The following TMEM8B variants were observed in gnomAD, a reference collection of about 807,000 sequenced individuals.
TMEM8B encodes transmembrane protein 8B, also known as nasopharyngeal carcinoma expressed 6.
A neutral mutation model predicts 49.3 loss-of-function variants in TMEM8B; 29 were observed. The ratio of observed to expected loss-of-function variants is 0.59; its 90% CI spans 0.44 to 0.80. TMEM8B has a LOEUF of 0.80. Among genes scored for constraint, TMEM8B ranks in the 30% least tolerant of loss-of-function variants. The pLI is 0.00. For missense variants in TMEM8B, 575 were observed against 658.5 expected, an observed-to-expected ratio of 0.87 and a Z score of 1.39; for synonymous variants, 264 against 272.8, an observed-to-expected ratio of 0.97 and a Z score of 0.32.
At position 35,847,001 on chromosome 9, in the gene TMEM8B, C is replaced by A. The variant is rs755434871; in HGVS notation, c.2175+6C>A. The stretch of plus-strand genomic sequence containing the variant: ...TCACCATGTTCTTCTCCACGGTATG[C>A]GGTGGTGTCTGCATCTTATCACTGG... On this transcript the variant is annotated splice_donor_region_variant and intron_variant, in intron 10 of 12. Coordinates refer to ENST00000643932, the MANE Select transcript of TMEM8B (RefSeq NM_001042590.4). 6.2e-7 allele frequency: 1 copy of A among 1,614,054 alleles called. No homozygotes were observed. The highest frequency in any genetic ancestry group is 1.3e-5 in the African/African-American group (1 of 74,912).
chr9:35,850,169 C>T (rs76577204), intron 10 of TMEM8B, among the ~76,000 whole-genome samples: 2,518 of 152,256 alleles, frequency 0.017, 70 homozygotes, highest in African/African-American at 0.057. Flanking sequence ...ACTACGTTTG[C>T]GTTTATAGTC....
chr9:35,857,021 C>A lies in TMEM8B; in HGVS notation c.*3181C>A, dbSNP rs748851060. ...AGATCCCAAGATTCAAACAGCCCTT[C>A]CTTGCCTTGAATACAGGGCTGTGGC... is the stretch of plus-strand genomic sequence containing the variant. On this transcript the variant is annotated 3_prime_UTR_variant, in exon 13 of 13. Transcript: ENST00000643932. 3 of 152,264 alleles carry A rather than the reference C, an allele frequency of 2.0e-5. No individual in the cohort carries two copies. Among genetic ancestry groups the A allele is most frequent in the Non-Finnish European group, 2.9e-5 (2 of 68,072 alleles). 9.4% of individuals were successfully genotyped at this position (152,264 alleles called of 1,614,324 possible). A position where few individuals can be genotyped will look rare whatever the true frequency, so the allele number is the denominator to read the frequency against.
At position 35,841,239 on chromosome 9, in the gene TMEM8B, T is replaced by C; in HGVS notation, c.1012T>C (p.Ser338Pro). The C allele has an allele frequency of 2.4e-6, 1 of 416,080 alleles. No individual in the cohort carries two copies. The highest frequency in any genetic ancestry group is 1.3e-4 in the South Asian group (1 of 7,970). 25.8% of individuals were successfully genotyped at this position (416,080 alleles called of 1,614,324 possible). Residue 338 changes from serine to proline, a missense_variant, in exon 4 of 13, where the codon TCC (serine) becomes CCC (proline). Ser to Pro is a moderately conservative substitution (Grantham distance 74, BLOSUM62 -1). Transcript: ENST00000643932. This position sits in a 1 kb window ranked among gnomAD's most constrained non-coding sequence, Gnocchi z 5.9. ...TGGCCGGCCCTCAGAGCAAACCCTC[T>C]CCCCACACAATCGCTCAGCCCTGTA... ...VPGRPSEQTL[S>P]PHNRSALYKV... is the part of the protein sequence containing the mutation.
chr9:35,846,282 C>G lies in TMEM8B; in HGVS notation c.1754C>G (p.Ser585Cys). Reference protein sequence around the residue: ...SKESLAGFLLSVSATTRVARL... With the variant: ...SKESLAGFLLCVSATTRVARL... ...GAGTCCCTGGCCGGCTTCCTCCTCT[C>G]TGTCAGTGCCACCACCAGGGTTGCC... The change falls in exon 8 of 13, where the codon TCT (serine) becomes TGT (cysteine). Residue 585 changes from serine (S) to cysteine (C), a missense_variant. By Grantham distance (112) the Ser-to-Cys change is moderately radical. Coordinates refer to ENST00000643932, the MANE Select transcript of TMEM8B (RefSeq NM_001042590.4). 1.9e-6 allele frequency: 3 copies of G among 1,614,238 alleles called. No homozygotes were observed. The highest frequency in any genetic ancestry group is 2.5e-6 in the Non-Finnish European group (3 of 1,180,038).
At chr9:35,847,608 C>G (rs969167162) in intron 10 of TMEM8B, among the ~76,000 whole-genome samples, 1 of 152,234 alleles carries the variant, frequency 6.6e-6, no homozygotes, top group African/African-American at 2.4e-5. Context: ...ATAGGACAAT[C>G]TGACTCTCAG....
intron 1 of TMEM8B, among the ~76,000 whole-genome samples, chr9:35,830,858 A>G (rs1249909916): frequency 6.6e-6 from 1 of 152,052 alleles, no homozygotes; most frequent in Non-Finnish European, 1.5e-5. Flanking sequence ...CCAATTTTTT[A>G]ATGGTTGGAA....
rs1455104753 is a variant in TMEM8B at position 35,846,955 on chromosome 9, T to C, written c.2135T>C (p.Leu712Pro). The C allele has an allele frequency of 6.2e-7, 1 of 1,614,242 alleles. No individual in the cohort carries two copies. The highest frequency in any genetic ancestry group is 8.5e-7 in the Non-Finnish European group (1 of 1,180,042). ...CTGGCCATTCGGAGTCGATATGTGCTGGAAGCTGCAGTCTACACCTTCACC... is the reference window on the plus strand; with the variant it reads ...CTGGCCATTCGGAGTCGATATGTGCCGGAAGCTGCAGTCTACACCTTCACC... ...VVLAIRSRYV[L>P]EAAVYTFTMF... The change falls in exon 10 of 13, where the codon CTG (leucine) becomes CCG (proline). Residue 712 changes from leucine to proline, a missense_variant. Leu to Pro is a moderately conservative substitution (Grantham distance 98, BLOSUM62 -3). Transcript: ENST00000643932.
At position 35,853,543 on chromosome 9, in the gene TMEM8B, C is replaced by G. The variant is rs753006525; in HGVS notation, c.2478C>G (p.Pro826=). ...TCCGCCGCCGGCACTGCTACCCACCCACGTGGCGCCGCTGGCTTTTCTACT... is the reference window on the plus strand; with the variant it reads ...TCCGCCGCCGGCACTGCTACCCACCGACGTGGCGCCGCTGGCTTTTCTACT... ...RSVRRRHCYP[P]TWRRWLFYLC... The change falls in exon 13 of 13, where the codon CCC becomes CCG. Residue 826 remains proline, a synonymous_variant. Coordinates refer to ENST00000643932, the MANE Select transcript of TMEM8B (RefSeq NM_001042590.4). This position sits in a 1 kb window ranked among gnomAD's most constrained non-coding sequence, Gnocchi z 4.2. 1.2e-6 allele frequency: 2 copies of G among 1,614,134 alleles called. No homozygotes were observed. The highest frequency in any genetic ancestry group is 1.7e-6 in the Non-Finnish European group (2 of 1,180,014).
intron 10 of TMEM8B, among the ~76,000 whole-genome samples, chr9:35,847,759 T>C (rs1407297): frequency 0.85 from 129,629 of 152,180 alleles, 55,976 homozygotes; most frequent in Middle Eastern, 0.95. Context: ...ATTGCAGAAT[T>C]GCCACAATCT....
At chr9:35,831,310 A>C (rs1399917812) in intron 1 of TMEM8B, among the ~76,000 whole-genome samples, 3 of 152,070 alleles carry the variant, frequency 2.0e-5, no homozygotes, top group African/African-American at 7.2e-5. Flanking sequence ...GGGAGGGGAC[A>C]TGTTGTGGCC....
chr9:35,854,162 TC>T lies in TMEM8B; in HGVS notation c.*325del. 1 of 459,372 alleles carries T rather than the reference TC, an allele frequency of 2.2e-6. No homozygotes were observed. Among genetic ancestry groups the T allele is most frequent in the Non-Finnish European group, 3.2e-6 (1 of 313,574 alleles). The allele number at this position is 459,372 out of a possible 1,614,324, so 28.5% of individuals were successfully genotyped here. ...GAGCCTTCCCAAGACATGGATTCCT[TC>T]CCAGGGAGACAAAGCCCTGTCAGGA... On this transcript the variant is annotated 3_prime_UTR_variant, in exon 13 of 13. Transcript: ENST00000643932.
At chr9:35,834,810 G>A (rs147156875) in intron 2 of TMEM8B, among the ~76,000 whole-genome samples, 160 bp downstream of exon 2, 7 of 152,176 alleles carry the variant, frequency 4.6e-5, no homozygotes, top group South Asian at 2.1e-4. Context: ...GACCACTTCC[G>A]GACTACTGTA....
rs945904666 is a variant in TMEM8B, at chr9:35,862,444, A to C, written c.*8604A>C. ...GGTTTCAAGCAGGCCAAGGGTGGGAAACCACCTGACTGCATTTTTCTTTAT... is the reference window on the plus strand; with the variant it reads ...GGTTTCAAGCAGGCCAAGGGTGGGACACCACCTGACTGCATTTTTCTTTAT... On this transcript the variant is annotated 3_prime_UTR_variant, in exon 13 of 13. Coordinates refer to ENST00000643932, the MANE Select transcript of TMEM8B (RefSeq NM_001042590.4). 4.6e-5 allele frequency: 7 copies of C among 152,340 alleles called. No homozygotes were observed. The highest frequency in any genetic ancestry group is 1.7e-4 in the African/African-American group (7 of 41,576). 9.4% of individuals were successfully genotyped at this position (152,340 alleles called of 1,614,324 possible).
intron 6 of TMEM8B, chr9:35,845,436 CT>C: frequency 1.0e-6 from 1 of 985,400 alleles, no homozygotes; most frequent in Non-Finnish European, 1.2e-6. Flanking sequence ...TACATTTACT[CT>C]TGCAGATATC....
chr9:35,849,349 G>GA (rs903862189), intron 10 of TMEM8B, among the ~76,000 whole-genome samples: 3 of 151,934 alleles, frequency 2.0e-5, no homozygotes, highest in Non-Finnish European at 4.4e-5. Flanking sequence ...AATATGTTTT[G>GA]AAAAAACAAA....
chr9:35,845,900 G>A (rs1311757911), intron 6 of TMEM8B, 75 bp from the exon 7 acceptor site: 14 of 1,607,982 alleles, frequency 8.7e-6, no homozygotes, highest in Non-Finnish European at 1.2e-5. Flanking sequence ...GGGTTAACAG[G>A]GGTGGGAGTC....
In TMEM8B at chr9:35,857,267, T is replaced by C. The variant is rs1472265800; in HGVS notation, c.*3427T>C. ...AGCCAGACCCGACTGAATCCTGCCC[T>C]GAAGGAGCTCACACGGTGGTGAAGT... On this transcript the variant is annotated 3_prime_UTR_variant, in exon 13 of 13. Coordinates refer to ENST00000643932, the MANE Select transcript of TMEM8B (RefSeq NM_001042590.4). 2 of 152,246 alleles carry C rather than the reference T, an allele frequency of 1.3e-5. No homozygotes were observed. The highest frequency in any genetic ancestry group is 1.9e-4 in the East Asian group (1 of 5,188). The allele number at this position is 152,246 out of a possible 1,614,324, so 9.4% of individuals were successfully genotyped here. A position where few individuals can be genotyped will look rare whatever the true frequency, so the allele number is the denominator to read the frequency against.
chr9:35,853,358 C>T lies in TMEM8B; in HGVS notation c.2439+101C>T. The T allele has an allele frequency of 6.9e-7, 1 of 1,445,808 alleles. No individual in the cohort carries two copies. Among genetic ancestry groups the T allele is most frequent in the Non-Finnish European group, 9.5e-7 (1 of 1,049,872 alleles). The allele number at this position is 1,445,808 out of a possible 1,614,324, so 89.6% of individuals were successfully genotyped here. A position where few individuals can be genotyped will look rare whatever the true frequency, so the allele number is the denominator to read the frequency against. ...TTTAAGGTGGGCTTGGCTCTGTCGT[C>T]ATCACCTGCTGCTGGCAGTGTCCGC... On this transcript the variant is annotated intron_variant, in intron 12 of 12. Transcript: ENST00000643932. This position sits in a 1 kb window ranked among gnomAD's most constrained non-coding sequence, Gnocchi z 4.2.
intron 3 of TMEM8B, among the ~76,000 whole-genome samples, chr9:35,837,267 C>CA (rs1422473163): frequency 6.6e-6 from 1 of 152,068 alleles, no homozygotes; most frequent in Non-Finnish European, 1.5e-5. Flanking sequence ...TGCTTTGTGC[C>CA]AGGCCTTGGG....
Sources: gnomAD v4.1 joint callset for allele counts (sites outside exome capture counted in the v4.1 genomes callset) on GRCh38, gnomAD v4.1.1 for gene constraint, Gnocchi (gnomAD v3.1) non-coding constraint, MANE v1.5 for transcripts, NCBI Gene and HGNC (gene_info 2026-07-23, HGNC 2026-07-21) for gene names.